The following ERC2 variants were observed in gnomAD, a reference collection of about 807,000 sequenced individuals.
ERC2 encodes the protein ERC protein 2.
In ERC2, 42 loss-of-function variants were observed where a neutral mutation model predicts 114.8. The ratio of observed to expected loss-of-function variants is 0.37; its 90% confidence interval spans 0.29 to 0.47. The LOEUF (loss-of-function observed/expected upper bound fraction) is 0.47. ERC2 is among the 20% of genes least tolerant of loss of function. The pLI, the probability that ERC2 is intolerant of heterozygous loss-of-function variation, is 0.99. For synonymous variants in ERC2, 454 were observed against 425.5 expected (o/e 1.07, Z -0.82); for missense variants, 939 against 1,150.7 (o/e 0.82, Z 2.66).
At chr3:56,010,724 T>C (rs956175552) in intron 8 of ERC2, 135 bp from the exon 9 acceptor site, 4 of 1,045,560 alleles carry the variant, frequency 3.8e-6, no homozygotes, top group Middle Eastern at 4.5e-4. Context: ...AAAATCAAAA[T>C]TGGATTCGTG....
At chr3:56,195,823 T>C (rs1397827288) in intron 3 of ERC2, among the ~76,000 whole-genome samples, 1 of 151,522 alleles carries the variant, frequency 6.6e-6, no homozygotes, top group Non-Finnish European at 1.5e-5. Context: ...CAAGACCCTG[T>C]CTCTAAAATA....
chr3:56,302,792 T>C (rs888917098), intron 2 of ERC2, among the ~76,000 whole-genome samples: 1 of 152,202 alleles, frequency 6.6e-6, no homozygotes, highest in Non-Finnish European at 1.5e-5. Flanking sequence ...ATCACTGTGG[T>C]CTCAACTTCT....
intron 10 of ERC2, among the ~76,000 whole-genome samples, chr3:56,001,630 T>C (rs1334782189): frequency 1.3e-5 from 2 of 152,134 alleles, no homozygotes; most frequent in African/African-American, 2.4e-5. Flanking sequence ...GATGATGCCA[T>C]GTCACTGATA....
intron 17 of ERC2, among the ~76,000 whole-genome samples, chr3:55,618,813 A>C (rs1240055496): frequency 6.6e-6 from 1 of 152,218 alleles, no homozygotes; most frequent in African/African-American, 2.4e-5. Flanking sequence ...AATAAAATTG[A>C]ATAAAAACAA....
intron 1 of ERC2, among the ~76,000 whole-genome samples, chr3:56,450,881 T>A (rs1203251095): frequency 2.0e-5 from 3 of 152,030 alleles, no homozygotes; most frequent in Non-Finnish European, 4.4e-5. Flanking sequence ...CAATAAACAG[T>A]AAAATTAAGA....
intron 2 of ERC2, among the ~76,000 whole-genome samples, chr3:56,336,599 G>T (rs1294648713): frequency 6.6e-6 from 1 of 152,038 alleles, no homozygotes; most frequent in East Asian, 1.9e-4. Flanking sequence ...TTCAAGACCA[G>T]CCTGGCCAAC....
At chr3:55,980,943 T>C (rs937315029) in intron 12 of ERC2, among the ~76,000 whole-genome samples, 3 of 152,186 alleles carry the variant, frequency 2.0e-5, no homozygotes, top group Non-Finnish European at 2.9e-5. Flanking sequence ...TCTTCACCAT[T>C]CTAGAGGGTA....
At chr3:56,460,279 C>T (rs377365726) in intron 1 of ERC2, among the ~76,000 whole-genome samples, 193 of 152,286 alleles carry the variant, frequency 1.3e-3, no homozygotes, top group Non-Finnish European at 2.3e-3. Flanking sequence ...TGGGGCCACT[C>T]ATTGTTTCTA....
chr3:56,365,232 T>C (rs1031752758), intron 2 of ERC2, among the ~76,000 whole-genome samples: 7 of 152,360 alleles, frequency 4.6e-5, no homozygotes, highest in African/African-American at 1.7e-4. Flanking sequence ...GACAATGGTC[T>C]CATCAGATTA....
intron 6 of ERC2, among the ~76,000 whole-genome samples, chr3:56,083,173 T>C (rs1259919063): frequency 1.3e-5 from 2 of 152,172 alleles, no homozygotes; most frequent in Non-Finnish European, 2.9e-5. Flanking sequence ...AGTAAATGAA[T>C]GGATAAATAA....
In ERC2 at chr3:55,734,853, G is replaced by A. The variant is rs750644981; in HGVS notation, c.2630C>T (p.Ala877Val). Residue 877 changes from alanine (A) to valine (V), a missense_variant, in exon 15 of 18, where the codon GCC (alanine) becomes GTC (valine). By Grantham distance (64) the Ala-to-Val change is moderately conservative (BLOSUM62 0). Coordinates refer to ENST00000288221, the MANE Select transcript of ERC2 (RefSeq NM_015576.3). ...DANIALLELS[A>V]SKKKKTQEEV... is the part of the protein sequence containing the mutation. ...TTCCTGCGTCTTTTTCTTTTTGGAG[G>A]CAGACAATTCCAGCAAGGCAATGTT... The A allele has an allele frequency of 6.2e-7, 1 of 1,612,288 alleles. No homozygotes were observed. Among genetic ancestry groups the A allele is most frequent in the South Asian group, 1.1e-5 (1 of 90,808 alleles).
At chr3:56,062,606 A>C (rs926122650) in intron 7 of ERC2, among the ~76,000 whole-genome samples, 22 of 152,218 alleles carry the variant, frequency 1.4e-4, no homozygotes, top group African/African-American at 5.3e-4. Flanking sequence ...TATTTTTAAA[A>C]ATAGTTAAAT....
intron 14 of ERC2, among the ~76,000 whole-genome samples, chr3:55,763,420 T>G (rs2067573586): frequency 6.6e-6 from 1 of 152,134 alleles, no homozygotes; most frequent in Admixed American, 6.5e-5. Context: ...TGAAGAAAAT[T>G]CCTGCTCTAG....
intron 1 of ERC2, among the ~76,000 whole-genome samples, chr3:56,460,964 CA>C (rs35313545): frequency 0.097 from 9,535 of 98,152 alleles, 390 homozygotes; most frequent in Non-Finnish European, 0.12. Context: ...ACTAAAAATA[CA>C]AAAAAAAAAA....
At chr3:56,125,994 A>G (rs998612282) in intron 6 of ERC2, among the ~76,000 whole-genome samples, 4 of 152,198 alleles carry the variant, frequency 2.6e-5, no homozygotes, top group African/African-American at 9.6e-5. Flanking sequence ...AAATAATGTA[A>G]TGAACTCCAT....
intron 2 of ERC2, among the ~76,000 whole-genome samples, chr3:56,350,240 G>A (rs2058499262): frequency 6.6e-6 from 1 of 152,212 alleles, no homozygotes; most frequent in Non-Finnish European, 1.5e-5. Flanking sequence ...ACAGCCAACT[G>A]TTTTGTTTAG....
chr3:55,738,801 G>T (rs1157268067), intron 14 of ERC2, among the ~76,000 whole-genome samples: 1 of 152,188 alleles, frequency 6.6e-6, no homozygotes, highest in African/African-American at 2.4e-5. Context: ...TGGTGCACAT[G>T]TGCAGAATGT....
intron 13 of ERC2, among the ~76,000 whole-genome samples, chr3:55,890,082 T>G (rs569952965): frequency 6.6e-6 from 1 of 152,338 alleles, no homozygotes; most frequent in Non-Finnish European, 1.5e-5. Context: ...CCTATGTAAC[T>G]GTAGAGTAAA....
At chr3:55,647,751 A>G (rs1451209490) in intron 17 of ERC2, among the ~76,000 whole-genome samples, 2 of 152,206 alleles carry the variant, frequency 1.3e-5, no homozygotes, top group African/African-American at 4.8e-5. Context: ...TTGGGAAGGG[A>G]TGCTTATCTG....
Sources: gnomAD v4.1 joint callset for allele counts (sites outside exome capture counted in the v4.1 genomes callset) on GRCh38, gnomAD v4.1.1 for gene constraint, MANE v1.5 for transcripts, NCBI Gene and HGNC (gene_info 2026-07-23, HGNC 2026-07-21) for gene names.